CCNY: variants seen among roughly 807,000 people sequenced by gnomAD.
CCNY encodes cyclin-Y.
In CCNY, 19 loss-of-function variants were observed where a neutral mutation model predicts 42.8. The ratio of observed to expected loss-of-function variants is 0.44; its 90% CI spans 0.31 to 0.65. The LOEUF (loss-of-function observed/expected upper bound fraction) is 0.65. Ranked by LOEUF, CCNY falls within the 30% of genes least tolerant of loss-of-function variation. The pLI is 0.07. For synonymous variants in CCNY, 165 were observed against 162.7 expected (o/e 1.01, Z -0.11); for missense variants, 370 against 437.3 (o/e 0.85, Z 1.37).
At chr10:35,303,633 T>G (rs1835565003) in intron 3 of CCNY, among the ~76,000 whole-genome samples, 1 of 150,346 alleles carries the variant, frequency 6.7e-6, no homozygotes, top group Non-Finnish European at 1.5e-5. Flanking sequence ...CAAAATTAGC[T>G]GGATGTAGTG....
At chr10:35,272,482 C>T (rs879513157) in intron 3 of CCNY, among the ~76,000 whole-genome samples, 1 of 152,216 alleles carries the variant, frequency 6.6e-6, no homozygotes, top group Non-Finnish European at 1.5e-5. Flanking sequence ...CATGTGTTCT[C>T]ATCATTTAGC....
At chr10:35,357,941 A>C (rs1486337915) in intron 1 of CCNY, among the ~76,000 whole-genome samples, 1 of 151,518 alleles carries the variant, frequency 6.6e-6, no homozygotes, top group Non-Finnish European at 1.5e-5. Flanking sequence ...TTTGTTGCTT[A>C]AGTTGTCCAA....
At chr10:35,442,667 T>C (rs1024580324) in intron 1 of CCNY, among the ~76,000 whole-genome samples, 6 of 152,278 alleles carry the variant, frequency 3.9e-5, no homozygotes, top group South Asian at 4.1e-4. Flanking sequence ...TTGGAACATA[T>C]AGAGTATGAG....
chr10:35,321,152 A>AC (rs1354048702), intron 3 of CCNY, among the ~76,000 whole-genome samples: 1 of 150,664 alleles, frequency 6.6e-6, no homozygotes, highest in Non-Finnish European at 1.5e-5. Context: ...ACACACACAA[A>AC]CACCATTTAC....
At chr10:35,282,351 T>C (rs1161562973) in intron 3 of CCNY, among the ~76,000 whole-genome samples, 4 of 152,046 alleles carry the variant, frequency 2.6e-5, no homozygotes, top group Non-Finnish European at 5.9e-5. Flanking sequence ...GGTCTTGAAC[T>C]CCTCGGCTCA....
chr10:35,267,350 C>T (rs1449933126), intron 3 of CCNY, among the ~76,000 whole-genome samples: 2 of 151,992 alleles, frequency 1.3e-5, no homozygotes, highest in African/African-American at 2.4e-5. Context: ...GCCTCATCCT[C>T]GGGCTTTTGT....
chr10:35,570,923 A>C lies in CCNY; in HGVS notation c.*1753A>C, dbSNP rs1841673456. 1 of 152,392 alleles carries C rather than the reference A, an allele frequency of 6.6e-6. No homozygotes were observed. The highest frequency in any genetic ancestry group is 1.5e-5 in the Non-Finnish European group (1 of 68,038). The allele number at this position is 152,392 out of a possible 1,614,324, so 9.4% of individuals were successfully genotyped here. ...GACCCAAACTTTCAAAAGCAAATAA[A>C]CAGCATATAAAACGTTAATTATCTT... On this transcript the variant is annotated 3_prime_UTR_variant, in exon 10 of 10. Coordinates refer to ENST00000374704, the MANE Select transcript of CCNY (RefSeq NM_145012.6).
At chr10:35,264,572 T>G (rs2095723027) in intron 3 of CCNY, among the ~76,000 whole-genome samples, 1 of 152,198 alleles carries the variant, frequency 6.6e-6, no homozygotes, top group Non-Finnish European at 1.5e-5. Flanking sequence ...ATCAGTATTG[T>G]TGATTTTTTT....
At chr10:35,275,942 ACT>A (rs1835234529) in intron 3 of CCNY, among the ~76,000 whole-genome samples, 1 of 152,242 alleles carries the variant, frequency 6.6e-6, no homozygotes, top group East Asian at 1.9e-4. Flanking sequence ...GTCAATCCAG[ACT>A]CTATCCAATA....
intron 3 of CCNY, among the ~76,000 whole-genome samples, chr10:35,504,664 T>A (rs1840178278): frequency 6.6e-6 from 1 of 152,054 alleles, no homozygotes; most frequent in South Asian, 2.1e-4. Flanking sequence ...TGAGATGGAG[T>A]CTCGCTCTGT....
At position 35,570,617 on chromosome 10, in the gene CCNY, T is replaced by G. The variant is rs1229695853; in HGVS notation, c.*1447T>G. ...AGGTCACAGTGACAGGTTTCTGAGTTGTTTCCCTTTTCAAGTCTCTGGGAG... is the reference window on the plus strand; with the variant it reads ...AGGTCACAGTGACAGGTTTCTGAGTGGTTTCCCTTTTCAAGTCTCTGGGAG... On this transcript the variant is annotated 3_prime_UTR_variant, in exon 10 of 10. Coordinates refer to ENST00000374704, the MANE Select transcript of CCNY (RefSeq NM_145012.6). 2 of 152,354 alleles carry G rather than the reference T, an allele frequency of 1.3e-5. No homozygotes were observed. Among genetic ancestry groups the G allele is most frequent in the Non-Finnish European group, 2.9e-5 (2 of 68,044 alleles). The allele number at this position is 152,354 out of a possible 1,614,324, so 9.4% of individuals were successfully genotyped here. A position where few individuals can be genotyped will look rare whatever the true frequency, so the allele number is the denominator to read the frequency against.
intron 3 of CCNY, among the ~76,000 whole-genome samples, chr10:35,283,218 G>C (rs1835316892): frequency 6.6e-6 from 1 of 152,194 alleles, no homozygotes; most frequent in African/African-American, 2.4e-5. Context: ...CTCTACTTAA[G>C]TGAATCGAGC....
intron 5 of CCNY, among the ~76,000 whole-genome samples, chr10:35,527,993 T>C (rs1340323993): frequency 6.6e-6 from 1 of 152,182 alleles, no homozygotes; most frequent in African/African-American, 2.4e-5. Flanking sequence ...CTCTTAATTC[T>C]CATTTATATT....
In CCNY at chr10:35,530,395, G is replaced by C; in HGVS notation, c.579+152G>C. On this transcript the variant is annotated intron_variant, in intron 7 of 9. Transcript: ENST00000374704. The surrounding 1 kb of genome is among the most constrained non-coding windows in gnomAD (Gnocchi z 4.3). ...AAGCTTCAGTGTTGTCGTTCTCCTG[G>C]GAGAATAGAGGATAGATATCCCGGA... 8 of 863,428 alleles carry C rather than the reference G, an allele frequency of 9.3e-6. No individual in the cohort carries two copies. The South Asian group carries it at 1.4e-4, about 15-fold the overall frequency. 53.5% of individuals were successfully genotyped at this position (863,428 alleles called of 1,614,324 possible).
intron 1 of CCNY, among the ~76,000 whole-genome samples, chr10:35,346,456 G>T (rs941604273): frequency 2.0e-5 from 3 of 152,220 alleles, no homozygotes; most frequent in Admixed American, 1.3e-4. Flanking sequence ...ACATCAGCAA[G>T]ATTTTGCCTG....
intron 1 of CCNY, among the ~76,000 whole-genome samples, chr10:35,454,417 C>T (rs192412746): frequency 6.6e-6 from 1 of 152,238 alleles, no homozygotes; most frequent in Non-Finnish European, 1.5e-5. Flanking sequence ...GTGAACCCCC[C>T]ACCAGGAACT....
intron 2 of CCNY, among the ~76,000 whole-genome samples, chr10:35,500,541 T>C (rs1358866657): frequency 6.6e-6 from 1 of 152,252 alleles, no homozygotes; most frequent in Non-Finnish European, 1.5e-5. Context: ...ACTGCTGTTT[T>C]AGGGTACCCC....
At chr10:35,501,701 C>A in intron 3 of CCNY, 166 bp downstream of exon 3, 1 of 624,624 alleles carries the variant, frequency 1.6e-6, no homozygotes, top group African/African-American at 1.8e-5. Flanking sequence ...AAGCATCACT[C>A]AGTATTTGTC....
At chr10:35,453,844 A>AT (rs1217715321) in intron 1 of CCNY, among the ~76,000 whole-genome samples, 3 of 151,730 alleles carry the variant, frequency 2.0e-5, no homozygotes, top group African/African-American at 7.3e-5. Flanking sequence ...ACCTATAGTA[A>AT]AAAAAAAATT....
Sources: allele counts gnomAD v4.1 joint callset (sites outside exome capture counted in the v4.1 genomes callset), GRCh38; gene constraint gnomAD v4.1.1; non-coding constraint Gnocchi (gnomAD v3.1); transcripts MANE v1.5; gene names NCBI Gene and HGNC (gene_info 2026-07-23, HGNC 2026-07-21).